IMPG2: variants seen among roughly 807,000 people sequenced by gnomAD.
IMPG2 encodes the protein IPM 200.
In IMPG2, 91 loss-of-function variants were observed where a neutral mutation model predicts 129.2. That is an observed-to-expected ratio of 0.70 (90% CI 0.59 to 0.84). The LOEUF (loss-of-function observed/expected upper bound fraction) is 0.84. Among genes scored for constraint, IMPG2 ranks in the 40% least tolerant of loss-of-function variants. The pLI is 0.00. For missense variants in IMPG2, 1,430 were observed against 1,461.7 expected (o/e 0.98, Z 0.35); for synonymous variants, 510 against 517.7 (o/e 0.99, Z 0.20).
At position 101,244,192 on chromosome 3, in the gene IMPG2, A is replaced by G; in HGVS notation, c.2139T>C (p.Asp713=). 6.2e-7 allele frequency: 1 copy of G among 1,614,062 alleles called. No homozygotes were observed. Among genetic ancestry groups the G allele is most frequent in the East Asian group, 2.2e-5 (1 of 44,848 alleles). The change falls in exon 13 of 19, where the codon GAT becomes GAC. Residue 713 remains aspartate (D), a synonymous_variant. Coordinates refer to ENST00000193391, the MANE Select transcript of IMPG2 (RefSeq NM_016247.4). ...PKHISEVPGV[D]DYSVTKAPLI... ...GAGGTGCTTTGGTAACTGAGTAATC[A>G]TCAACACCAGGTACTTCTGATATGT...
intron 11 of IMPG2, among the ~76,000 whole-genome samples, chr3:101,247,222 G>C (rs1218798597): frequency 1.3e-5 from 2 of 152,170 alleles, no homozygotes; most frequent in African/African-American, 4.8e-5. Context: ...ACAATCCACA[G>C]GGAAAAAACT....
chr3:101,314,267 TTTGCATAGCCCTG>T (rs2058772231), intron 2 of IMPG2, among the ~76,000 whole-genome samples: 1 of 152,144 alleles, frequency 6.6e-6, no homozygotes, highest in African/African-American at 2.4e-5. Context: ...CAGACTCAGA[TTTGCATAGCCCTG>T]TGGCTCAAAT....
rs1196544710 is a variant in IMPG2, at chr3:101,300,260, G to A, written c.501+3886C>T. ...CGTCCAGCCTCCCTGGCTCCAGCAG[G>A]GGAAAGACATGGCCTGGAGCTATAG... On this transcript the variant is annotated intron_variant, in intron 3 of 18. Coordinates refer to ENST00000193391, the MANE Select transcript of IMPG2 (RefSeq NM_016247.4). 7.2e-5 allele frequency among the ~76,000 whole-genome samples: 11 copies of A among 152,248 alleles called. No homozygotes were observed. In the South Asian group the frequency reaches 1.2e-3, roughly 17 times the overall value.
At chr3:101,229,313 A>ACCCCCCCC in intron 17 of IMPG2, 67 bp downstream of exon 17, 1 of 401,342 alleles carries the variant, frequency 2.5e-6, no homozygotes, top group South Asian at 1.9e-5. Flanking sequence ...CCCACCCACC[A>ACCCCCCCC]CCCCCTGCTC....
At chr3:101,301,294 A>C (rs1025508261) in intron 3 of IMPG2, among the ~76,000 whole-genome samples, 1 of 152,230 alleles carries the variant, frequency 6.6e-6, no homozygotes, top group Non-Finnish European at 1.5e-5. Context: ...AATTACCAAA[A>C]TGTGAGACAG....
At chr3:101,228,337 T>C (rs1706245722) in intron 18 of IMPG2, among the ~76,000 whole-genome samples, 1 of 152,230 alleles carries the variant, frequency 6.6e-6, no homozygotes, top group Non-Finnish European at 1.5e-5. Flanking sequence ...TTGAAATATG[T>C]GAGGACTTAT....
At chr3:101,240,560 G>A (rs1443786225) in intron 14 of IMPG2, among the ~76,000 whole-genome samples, 1 of 152,144 alleles carries the variant, frequency 6.6e-6, no homozygotes, top group Non-Finnish European at 1.5e-5. Flanking sequence ...ACAGAGGCCA[G>A]GCAATATTAC....
rs1266010569 is a variant in IMPG2 at position 101,243,560 on chromosome 3, T to C, written c.2771A>G (p.Tyr924Cys). 5.0e-6 allele frequency: 8 copies of C among 1,613,752 alleles called. No homozygotes were observed. The highest frequency in any genetic ancestry group is 2.7e-5 in the African/African-American group (2 of 74,932). ...TAAGAATCTTTGCTCCAGGGCTTTA[T>C]ACTCCAAGGAGTTTTTATTAAACAG... ...EDLFNKNSLE[Y>C]KALEQRFLEL... Residue 924 changes from tyrosine to cysteine, a missense_variant, in exon 13 of 19, where the codon TAT (tyrosine) becomes TGT (cysteine). Physicochemically the swap from Tyr to Cys is radical, Grantham distance 194. Transcript: ENST00000193391.
At chr3:101,279,009 C>A (rs187411790) in intron 4 of IMPG2, among the ~76,000 whole-genome samples, 128 of 152,206 alleles carry the variant, frequency 8.4e-4, no homozygotes, top group African/African-American at 2.7e-3. Flanking sequence ...CATAATCAGG[C>A]CTGAATAGGG....
intron 2 of IMPG2, among the ~76,000 whole-genome samples, chr3:101,309,474 C>T (rs1373634539): frequency 6.6e-6 from 1 of 152,078 alleles, no homozygotes; most frequent in Admixed American, 6.6e-5. Context: ...TAGAGAAGTG[C>T]TCTCTCTCAA....
rs1188042714 is a variant in IMPG2 at position 101,224,895 on chromosome 3, T to C, written c.*2074A>G. Reference sequence around the variant, plus strand: ...GTGACGTGTGTCAGAATTCCCAAATTCCCACTTCACTGCTTAGTTTGTGGA... The same window carrying C: ...GTGACGTGTGTCAGAATTCCCAAATCCCCACTTCACTGCTTAGTTTGTGGA... On this transcript the variant is annotated 3_prime_UTR_variant, in exon 19 of 19. Transcript: ENST00000193391. 6.6e-6 allele frequency: 1 copy of C among 152,146 alleles called. No individual in the cohort carries two copies. The highest frequency in any genetic ancestry group is 1.5e-5 in the Non-Finnish European group (1 of 68,028). The allele number at this position is 152,146 out of a possible 1,614,324, so 9.4% of individuals were successfully genotyped here.
chr3:101,292,291 A>G (rs1707026746), intron 3 of IMPG2, among the ~76,000 whole-genome samples: 1 of 152,196 alleles, frequency 6.6e-6, no homozygotes, highest in Non-Finnish European at 1.5e-5. Context: ...TTTCAGTTAC[A>G]GGCATACCTC....
chr3:101,269,705 T>C (rs1280190311), intron 7 of IMPG2, 132 bp from the exon 8 acceptor site: 2 of 563,064 alleles, frequency 3.6e-6, no homozygotes, highest in Middle Eastern at 4.6e-4. Flanking sequence ...TAGCTAGGCA[T>C]ACCCAGGTCA....
chr3:101,237,438 G>A lies in IMPG2; in HGVS notation c.3023-4447C>T, dbSNP rs145092433. 9.8e-5 allele frequency among the ~76,000 whole-genome samples: 15 copies of A among 152,310 alleles called. No homozygotes were observed. The South Asian group carries it at 1.7e-3, about 17-fold the overall frequency. On this transcript the variant is annotated intron_variant, in intron 14 of 18. Transcript: ENST00000193391. ...CCTGACTGGGGGACACCTCCCAGCAGGAATTGACAGACACCTCATACAGGA... is the reference window on the plus strand; with the variant it reads ...CCTGACTGGGGGACACCTCCCAGCAAGAATTGACAGACACCTCATACAGGA...
At chr3:101,273,111 T>C (rs1291327218) in intron 7 of IMPG2, among the ~76,000 whole-genome samples, 1 of 152,216 alleles carries the variant, frequency 6.6e-6, no homozygotes, top group Non-Finnish European at 1.5e-5. Context: ...GAAACATTTA[T>C]TTTTCACTGG....
In IMPG2 at chr3:101,224,946, T is replaced by C. The variant is rs565670029; in HGVS notation, c.*2023A>G. ...AAACAACAACCCTCCTCTGGCTCAGTTCGTGCTTCTCCTAAGTGTTCTGCA... is the reference window on the plus strand; with the variant it reads ...AAACAACAACCCTCCTCTGGCTCAGCTCGTGCTTCTCCTAAGTGTTCTGCA... On this transcript the variant is annotated 3_prime_UTR_variant, in exon 19 of 19. Coordinates refer to ENST00000193391, the MANE Select transcript of IMPG2 (RefSeq NM_016247.4). The C allele has an allele frequency of 2.6e-5, 4 of 152,368 alleles. No homozygotes were observed. The highest frequency in any genetic ancestry group is 5.9e-5 in the Non-Finnish European group (4 of 68,042). The allele number at this position is 152,368 out of a possible 1,614,324, so 9.4% of individuals were successfully genotyped here. A position where few individuals can be genotyped will look rare whatever the true frequency, so the allele number is the denominator to read the frequency against.
intron 10 of IMPG2, among the ~76,000 whole-genome samples, chr3:101,256,211 A>AAGAAAGAAAGAAAG (rs1553682317): frequency 9.3e-5 from 14 of 150,570 alleles, no homozygotes; most frequent in African/African-American, 3.2e-4. Flanking sequence ...GAAAGAAAGA[A>AAGAAAGAAAGAAAG]AGAAAGAAAA....
At chr3:101,236,874 A>G (rs1441213016) in intron 14 of IMPG2, among the ~76,000 whole-genome samples, 6 of 152,090 alleles carry the variant, frequency 3.9e-5, no homozygotes, top group African/African-American at 9.7e-5. Flanking sequence ...AGAACCGTTT[A>G]CTGCCCTGGA....
At position 101,226,902 on chromosome 3, in the gene IMPG2, T is replaced by C; in HGVS notation, c.*67A>G. The C allele has an allele frequency of 2.6e-6, 4 of 1,516,356 alleles. No individual in the cohort carries two copies. The highest frequency in any genetic ancestry group is 1.1e-5 in the South Asian group (1 of 87,976). 93.9% of individuals were successfully genotyped at this position (1,516,356 alleles called of 1,614,324 possible). A position where few individuals can be genotyped will look rare whatever the true frequency, so the allele number is the denominator to read the frequency against. On this transcript the variant is annotated 3_prime_UTR_variant, in exon 19 of 19. Coordinates refer to ENST00000193391, the MANE Select transcript of IMPG2 (RefSeq NM_016247.4). The stretch of plus-strand genomic sequence containing the variant: ...GTGTTTAAAATCCAGGTTAATTATA[T>C]GACATAAGTAACAAGTAATCTCCAT...
Sources: allele counts gnomAD v4.1 joint callset (sites outside exome capture counted in the v4.1 genomes callset), GRCh38; gene constraint gnomAD v4.1.1; transcripts MANE v1.5; gene names NCBI Gene and HGNC (gene_info 2026-07-23, HGNC 2026-07-21).